Variants in DNAJC6 observed in about 807,000 individuals in gnomAD.
DNAJC6 encodes the protein auxilin.
Under a neutral mutation model 110.0 loss-of-function variants are expected in DNAJC6, and 34 were observed. The ratio of observed to expected loss-of-function variants is 0.31; its 90% CI spans 0.24 to 0.41. The LOEUF is 0.41. Ranked by LOEUF, DNAJC6 falls within the 10% of genes least tolerant of loss-of-function variation. The pLI is 1.00. For missense variants in DNAJC6, 1,031 were observed against 1,207.8 expected, an observed-to-expected ratio of 0.85 and a Z score of 2.17; for synonymous variants, 406 against 437.2, an observed-to-expected ratio of 0.93 and a Z score of 0.89.
intron 4 of DNAJC6, among the ~76,000 whole-genome samples, chr1:65,379,002 T>C (rs1343009468): frequency 6.6e-6 from 1 of 152,230 alleles, no homozygotes; most frequent in Non-Finnish European, 1.5e-5. Flanking sequence ...TTTCATGTTA[T>C]CACGAGAGCT....
In DNAJC6 at chr1:65,408,637, G is replaced by C. The variant is rs571310017; in HGVS notation, c.2492-4G>C. On this transcript the variant is annotated splice_polypyrimidine_tract_variant and splice_region_variant and intron_variant, in intron 16 of 18. Transcript: ENST00000371069. ...TGTAATGATTTTCAAAAATTATATT[G>C]CAGAAGGGAAACAAAAAGCAGCTGA... The C allele has an allele frequency of 1.2e-6, 2 of 1,607,432 alleles. No individual in the cohort carries two copies. The highest frequency in any genetic ancestry group is 1.7e-6 in the Non-Finnish European group (2 of 1,178,340).
intron 17 of DNAJC6, among the ~76,000 whole-genome samples, chr1:65,409,940 GA>G (rs901282419): frequency 2.6e-5 from 4 of 151,826 alleles, no homozygotes; most frequent in Admixed American, 6.6e-5. Context: ...TTTCACAGCT[GA>G]AAAAAAACCA....
At chr1:65,408,912 A>C in intron 17 of DNAJC6, 129 bp downstream of exon 17, 1 of 1,112,100 alleles carries the variant, frequency 9.0e-7, no homozygotes, top group Non-Finnish European at 1.2e-6. Flanking sequence ...ATAACAAAAT[A>C]CCATAAACTA....
At chr1:65,323,629 C>T (rs1645215637) in intron 1 of DNAJC6, among the ~76,000 whole-genome samples, 1 of 152,004 alleles carries the variant, frequency 6.6e-6, no homozygotes, top group African/African-American at 2.4e-5. Context: ...AGGTTCTTAC[C>T]CTGTCACCCA....
upstream of DNAJC6, chr1:65,309,506 C>T (rs1273239191): frequency 9.6e-6 from 11 of 1,146,640 alleles, 2 homozygotes; most frequent in Admixed American, 2.5e-4. Context: ...CCCGCCCGGC[C>T]GCGTCTCCTT....
chr1:65,389,590 C>T lies in DNAJC6; in HGVS notation c.1431C>T (p.Tyr477=), dbSNP rs139447717. 39 of 1,614,034 alleles carry T rather than the reference C, an allele frequency of 2.4e-5. No homozygotes were observed. The highest frequency in any genetic ancestry group is 2.1e-4 in the African/African-American group (16 of 74,908). The change falls in exon 11 of 19, where the codon TAC becomes TAT. Residue 477 remains tyrosine (Y), a synonymous_variant. Coordinates refer to ENST00000371069, the MANE Select transcript of DNAJC6 (RefSeq NM_001256864.2). ...TCCCTCCAGACAACCCCAGGCATTA[C>T]GGACAAAGTGGTTTCTTTGCCTCTC... ...IDIPPDNPRH[Y]GQSGFFASLC... is the part of the protein sequence containing the mutation.
At chr1:65,332,156 A>G (rs901316788) in intron 1 of DNAJC6, among the ~76,000 whole-genome samples, 4 of 152,032 alleles carry the variant, frequency 2.6e-5, no homozygotes, top group Non-Finnish European at 5.9e-5. Flanking sequence ...TTTTTCTCCT[A>G]TAAATATGGC....
chr1:65,347,068 T>G (rs1645443378), intron 1 of DNAJC6, among the ~76,000 whole-genome samples: 1 of 152,124 alleles, frequency 6.6e-6, no homozygotes, highest in Non-Finnish European at 1.5e-5. Context: ...CTGTGAGAGA[T>G]ATGAGAGAAA....
At chr1:65,306,235 T>C (rs375979147), upstream of DNAJC6, among the ~76,000 whole-genome samples, 1 of 151,910 alleles carries the variant, frequency 6.6e-6, no homozygotes, top group African/African-American at 2.4e-5. Context: ...TTTTAGTAGA[T>C]ACAGGGTTTC....
rs752549086 is a variant in DNAJC6 at position 65,392,850 on chromosome 1, C to G, written c.1888C>G (p.Leu630Val). The G allele has an allele frequency of 6.6e-7, 1 of 1,521,348 alleles. No individual in the cohort carries two copies. Among genetic ancestry groups the G allele is most frequent in the Non-Finnish European group, 8.8e-7 (1 of 1,135,780 alleles). The allele number at this position is 1,521,348 out of a possible 1,614,324, so 94.2% of individuals were successfully genotyped here. ...SATSTSASPT[L>V]RVGEGATFDP... ...CACCTCCACCTCTGCGTCTCCAACC[C>G]TAAGAGTGGGAGAAGGTAATTTTTT... The change falls in exon 12 of 19, where the codon CTA becomes GTA. Residue 630 changes from leucine (L) to valine (V), a missense_variant. Coordinates refer to ENST00000371069, the MANE Select transcript of DNAJC6 (RefSeq NM_001256864.2).
At chr1:65,334,847 G>T (rs549289041) in intron 1 of DNAJC6, among the ~76,000 whole-genome samples, 22 of 152,202 alleles carry the variant, frequency 1.4e-4, no homozygotes, top group Non-Finnish European at 2.5e-4. Context: ...TGATGGTGGT[G>T]GTAACAATGA....
At chr1:65,330,253 T>C (rs2101448931) in intron 1 of DNAJC6, among the ~76,000 whole-genome samples, 1 of 152,280 alleles carries the variant, frequency 6.6e-6, no homozygotes, top group Non-Finnish European at 1.5e-5. Context: ...TTCGGGTTGA[T>C]TGCATGGAGT....
rs747034717 is a variant in DNAJC6 at position 65,398,846 on chromosome 1, A to G, written c.2072A>G (p.Asp691Gly). Residue 691 changes from aspartate (D) to glycine (G), a missense_variant, in exon 14 of 19, where the codon GAT becomes GGT. Physicochemically the swap from Asp to Gly is moderately conservative, Grantham distance 94 (BLOSUM62 -1). Transcript: ENST00000371069. ...ACGCCTGCTGTGAACATTCAGCCAG[A>G]TGTTTCTGGAGGTTGGGACTGGCAT... ...SSTPAVNIQP[D>G]VSGGWDWHAK... The G allele has an allele frequency of 1.2e-5, 20 of 1,614,076 alleles. No homozygotes were observed. The highest frequency in any genetic ancestry group is 1.5e-5 in the Non-Finnish European group (18 of 1,179,990).
At chr1:65,327,447 C>G (rs12048538) in intron 1 of DNAJC6, among the ~76,000 whole-genome samples, 17,410 of 152,156 alleles carry the variant, frequency 0.11, 1,314 homozygotes, top group East Asian at 0.27. Context: ...TCTACAAGGT[C>G]AAAAGTGACT....
intron 1 of DNAJC6, among the ~76,000 whole-genome samples, chr1:65,319,183 G>A (rs1353843226): frequency 6.6e-6 from 1 of 152,246 alleles, no homozygotes; most frequent in Non-Finnish European, 1.5e-5. Context: ...GTCTCAGCCA[G>A]AAGTGGAAAA....
rs560055994 is a variant in DNAJC6, at chr1:65,347,431, C to T, written c.194-17204C>T. Among the ~76,000 whole-genome samples, 14 of 151,804 alleles carry T rather than the reference C, an allele frequency of 9.2e-5. No individual in the cohort carries two copies. In the East Asian group the frequency reaches 2.5e-3, roughly 27 times the overall value. On this transcript the variant is annotated intron_variant, in intron 1 of 18. Transcript: ENST00000371069. ...TTTTTTTTTTTTACTTCATCAGCCT[C>T]AATTCCATCCTCCTCACCCAGCCAT... is the stretch of plus-strand genomic sequence containing the variant.
At chr1:65,409,021 C>A (rs77582444) in intron 17 of DNAJC6, among the ~76,000 whole-genome samples, 1 of 152,212 alleles carries the variant, frequency 6.6e-6, no homozygotes, top group African/African-American at 2.4e-5. Context: ...TGGTGAGGGC[C>A]ATCTTCCTGG....
rs71056098 is a variant in DNAJC6 at position 65,311,215 on chromosome 1, G to GTTTTTTTTTT, written c.193+1295_193+1304dup. On this transcript the variant is annotated intron_variant, in intron 1 of 18. Coordinates refer to ENST00000371069, the MANE Select transcript of DNAJC6 (RefSeq NM_001256864.2). The stretch of plus-strand genomic sequence containing the variant: ...CCAAGGGATTGATGGTTTCAGGACT[G>GTTTTTTTTTT]TTTTTTTTTTTTTTTTTTTTTTTTT... Among the ~76,000 whole-genome samples the GTTTTTTTTTT allele has an allele frequency of 1.7e-4, 12 of 68,888 alleles. 1 individual carries two copies. Among genetic ancestry groups the GTTTTTTTTTT allele is most frequent in the African/African-American group, 3.9e-4 (7 of 18,082 alleles). The allele number at this position is 68,888 out of a possible 152,430, so 45.2% of individuals were successfully genotyped here.
At chr1:65,285,634 A>T (rs1653992200) in intron 1 of DNAJC6, among the ~76,000 whole-genome samples, 1 of 151,730 alleles carries the variant, frequency 6.6e-6, no homozygotes, top group African/African-American at 2.4e-5. Flanking sequence ...TCCCCGCACT[A>T]TGATTGTTTT....
Sources: gnomAD v4.1 joint callset for allele counts (sites outside exome capture counted in the v4.1 genomes callset) on GRCh38, gnomAD v4.1.1 for gene constraint, MANE v1.5 for transcripts, NCBI Gene and HGNC (gene_info 2026-07-23, HGNC 2026-07-21) for gene names.